The following MLIP variants were observed in gnomAD, a reference collection of about 807,000 sequenced individuals.
MLIP encodes the protein muscular LMNA-interacting protein.
Under a neutral mutation model 84.8 loss-of-function variants are expected in MLIP, and 79 were observed. The ratio of observed to expected loss-of-function variants is 0.93; its 90% confidence interval spans 0.78 to 1.12. MLIP has a LOEUF of 1.12. Among genes scored for constraint, MLIP ranks in the 50% most tolerant of loss-of-function variants. The pLI is 0.00. For missense variants in MLIP, 1,257 were observed against 1,160.6 expected, an observed-to-expected ratio of 1.08 and a Z score of -1.21; for synonymous variants, 504 against 463.0, an observed-to-expected ratio of 1.09 and a Z score of -1.14.
At chr6:54,087,858 C>A (rs969993805) in intron 1 of MLIP, among the ~76,000 whole-genome samples, 1 of 148,024 alleles carries the variant, frequency 6.8e-6, no homozygotes, top group Non-Finnish European at 1.5e-5. Flanking sequence ...GATTCTTGCT[C>A]TTTGCCAGAA....
At chr6:54,241,119 C>T (rs1026948764) in intron 12 of MLIP, among the ~76,000 whole-genome samples, 2 of 150,774 alleles carry the variant, frequency 1.3e-5, no homozygotes, top group Non-Finnish European at 3.0e-5. Context: ...ACAGACGTTT[C>T]TTTTTTTTTG....
intron 1 of MLIP, among the ~76,000 whole-genome samples, chr6:54,088,522 A>G (rs559509322): frequency 1.3e-5 from 2 of 152,136 alleles, no homozygotes; most frequent in Admixed American, 1.3e-4. Flanking sequence ...TTAATTACAG[A>G]GGGGTCAAAG....
rs553077203 is a variant in MLIP, at chr6:54,048,432, A to C, written c.63+29341A>C. ...TTTTGAGAGAGCAGAGGTTATTCAG[A>C]GATGGCAGAGAACAGTGATTGCAAA... On this transcript the variant is annotated intron_variant, in intron 1 of 12. Coordinates refer to the MLIP transcript ENST00000274897. Among the ~76,000 whole-genome samples, 4 of 152,282 alleles carry C rather than the reference A, an allele frequency of 2.6e-5. No individual in the cohort carries two copies. In the East Asian group the frequency reaches 7.7e-4, roughly 29 times the overall value.
At chr6:54,149,477 C>G (rs1428874793) in intron 5 of MLIP, among the ~76,000 whole-genome samples, 1 of 152,042 alleles carries the variant, frequency 6.6e-6, no homozygotes. Flanking sequence ...CCATATTGAT[C>G]AAAAGAATTG....
chr6:54,231,503 A>G (rs1207070959), intron 12 of MLIP, among the ~76,000 whole-genome samples: 2 of 151,894 alleles, frequency 1.3e-5, no homozygotes, highest in African/African-American at 4.8e-5. Flanking sequence ...CTGAGTGTGT[A>G]TGATACAAAA....
intron 8 of MLIP, among the ~76,000 whole-genome samples, 180 bp from the exon 9 acceptor site, chr6:54,169,348 G>C (rs1775531000): frequency 6.6e-6 from 1 of 151,772 alleles, no homozygotes; most frequent in African/African-American, 2.4e-5. Flanking sequence ...GATAAAGTCA[G>C]TGAGAAGAAT....
chr6:54,076,409 G>T (rs1411391636), intron 1 of MLIP, among the ~76,000 whole-genome samples: 2 of 152,116 alleles, frequency 1.3e-5, no homozygotes, highest in Non-Finnish European at 2.9e-5. Flanking sequence ...AGTCTCATTT[G>T]GTATCTTCAC....
In MLIP at chr6:54,230,890, C is replaced by A. The variant is rs1250428281; in HGVS notation, c.2895C>A (p.Thr965=). Residue 965 remains threonine, a synonymous_variant, in exon 12 of 14, where the codon ACC becomes ACA. Transcript: ENST00000502396. ...GTGATGAACAGGAGAATTCTCACAC[C>A]CTCCTCAGTCACAACGCATGCAACA... ...SLSDEQENSH[T]LLSHNACNKL... The A allele has an allele frequency of 5.0e-6, 8 of 1,613,986 alleles. No homozygotes were observed. The highest frequency in any genetic ancestry group is 6.8e-6 in the Non-Finnish European group (8 of 1,179,936).
intron 10 of MLIP, among the ~76,000 whole-genome samples, chr6:54,191,368 A>G (rs1333474229): frequency 6.6e-6 from 1 of 152,188 alleles, no homozygotes; most frequent in Non-Finnish European, 1.5e-5. Context: ...GCTTGATTCA[A>G]TCAATCCACT....
chr6:54,214,269 A>G (rs1465006809), intron 11 of MLIP, among the ~76,000 whole-genome samples: 12 of 152,178 alleles, frequency 7.9e-5, no homozygotes, highest in Admixed American at 5.2e-4. Flanking sequence ...GACACACCCA[A>G]CAGCCATTTC....
chr6:54,039,248 A>T (rs570096988), intron 1 of MLIP, among the ~76,000 whole-genome samples: 29 of 152,136 alleles, frequency 1.9e-4, no homozygotes, highest in African/African-American at 6.7e-4. Context: ...AATGTGCTAG[A>T]GAAAATGGAA....
At chr6:54,044,050 TC>T (rs933218763) in intron 1 of MLIP, among the ~76,000 whole-genome samples, 1 of 152,194 alleles carries the variant, frequency 6.6e-6, no homozygotes, top group Non-Finnish European at 1.5e-5. Flanking sequence ...GCTTCTTTAT[TC>T]CTTTGCAAAT....
intron 4 of MLIP, among the ~76,000 whole-genome samples, chr6:54,144,894 A>G (rs1249119604): frequency 6.6e-6 from 1 of 152,224 alleles, no homozygotes; most frequent in Non-Finnish European, 1.5e-5. Context: ...CTGAAGGGGC[A>G]GAATGTGTTC....
At chr6:54,122,939 T>C (rs1770581916) in intron 2 of MLIP, among the ~76,000 whole-genome samples, 1 of 151,934 alleles carries the variant, frequency 6.6e-6, no homozygotes, top group South Asian at 2.1e-4. Flanking sequence ...TATATTCTTT[T>C]TTTTTTTTTT....
Position 54,119,324 on chromosome 6 carries a change from G to A in MLIP, c.97-2123G>A, listed in dbSNP as rs115042985. Among the ~76,000 whole-genome samples the A allele has an allele frequency of 6.1e-3, 932 of 152,346 alleles. 13 individuals carry two copies. The highest frequency in any genetic ancestry group is 0.021 in the African/African-American group (878 of 41,574). On this transcript the variant is annotated intron_variant, in intron 1 of 13. Coordinates refer to ENST00000502396, the MANE Select transcript of MLIP (RefSeq NM_001281747.2). ...CAATGGATGAATGGATAGAGAAAAT[G>A]TAGTACATATACACAGTGGAATACT...
chr6:54,203,145 T>A (rs146108398), intron 11 of MLIP, among the ~76,000 whole-genome samples: 1 of 152,316 alleles, frequency 6.6e-6, no homozygotes, highest in East Asian at 1.9e-4. Context: ...AATGGAGAAT[T>A]GTCAATGGTG....
intron 1 of MLIP, among the ~76,000 whole-genome samples, chr6:54,021,246 A>G (rs1223155939): frequency 6.6e-6 from 1 of 152,176 alleles, no homozygotes; most frequent in Admixed American, 6.5e-5. Flanking sequence ...TATTTATTAT[A>G]AATAGTAAAG....
intron 11 of MLIP, among the ~76,000 whole-genome samples, chr6:54,213,519 T>G (rs143485046): frequency 1.3e-5 from 2 of 151,736 alleles, no homozygotes; most frequent in African/African-American, 4.8e-5. Flanking sequence ...CTGGCCAACA[T>G]GGTGAAACCC....
At chr6:54,205,032 T>C (rs934167079) in intron 11 of MLIP, among the ~76,000 whole-genome samples, 7 of 152,140 alleles carry the variant, frequency 4.6e-5, no homozygotes, top group Non-Finnish European at 1.0e-4. Flanking sequence ...AAAGATAAGA[T>C]AGAACCTTGG....
Sources: gnomAD v4.1 joint callset for allele counts (sites outside exome capture counted in the v4.1 genomes callset) on GRCh38, gnomAD v4.1.1 for gene constraint, MANE v1.5 for transcripts, NCBI Gene and HGNC (gene_info 2026-07-23, HGNC 2026-07-21) for gene names.